The following POMGNT1 variants were observed in gnomAD, a reference collection of about 807,000 sequenced individuals.
POMGNT1 encodes the protein protein O-linked-mannose beta-1,2-N-acetylglucosaminyltransferase 1.
Under a neutral mutation model 95.6 loss-of-function variants are expected in POMGNT1, and 67 were observed. The ratio of observed to expected loss-of-function variants is 0.70; its 90% confidence interval spans 0.58 to 0.86. POMGNT1 has a LOEUF of 0.86. Among genes scored for constraint, POMGNT1 ranks in the 40% least tolerant of loss-of-function variants. The pLI, the probability that POMGNT1 is intolerant of heterozygous loss-of-function variation, is 0.00. For missense variants in POMGNT1, 719 were observed against 855.2 expected, an observed-to-expected ratio of 0.84 and a Z score of 1.99; for synonymous variants, 298 against 317.9, an observed-to-expected ratio of 0.94 and a Z score of 0.66.
upstream of POMGNT1, among the ~76,000 whole-genome samples, chr1:46,201,569 C>T (rs376278751): frequency 5.8e-4 from 88 of 150,822 alleles, 2 homozygotes; most frequent in South Asian, 0.017. Flanking sequence ...CATGGTGGCA[C>T]GTGCCTGTAA....
chr1:46,202,467 C>T (rs913328940), upstream of POMGNT1, among the ~76,000 whole-genome samples: 3 of 151,794 alleles, frequency 2.0e-5, no homozygotes, highest in Non-Finnish European at 2.9e-5. Flanking sequence ...CCAAGGCAGG[C>T]GGATCACTTG....
intron 17 of POMGNT1, chr1:46,191,345 T>G (rs1052004134): frequency 2.1e-5 from 4 of 193,026 alleles, no homozygotes; most frequent in Admixed American, 1.1e-4. Flanking sequence ...TGGGGAATGG[T>G]CCTCTGAATG....
At chr1:46,213,040 A>G (rs1658952494) in intron 1 of POMGNT1, among the ~76,000 whole-genome samples, 1 of 152,144 alleles carries the variant, frequency 6.6e-6, no homozygotes, top group South Asian at 2.1e-4. Flanking sequence ...TGCTGGGATT[A>G]CCATATAAAC....
At position 46,190,539 on chromosome 1, in the gene POMGNT1, G is replaced by A. The variant is rs772695022; in HGVS notation, c.1605-22C>T. 1.9e-6 allele frequency: 3 copies of A among 1,592,522 alleles called. No homozygotes were observed. The South Asian group carries it at 3.3e-5, about 18-fold the overall frequency. ...CAGACTGAAGAGGAGGGAGAAATGG[G>A]TCAGGGGAGTGGGCAGGCCCTCAGG... On this transcript the variant is annotated intron_variant, in intron 18 of 21. Coordinates refer to ENST00000371984, the MANE Select transcript of POMGNT1 (RefSeq NM_017739.4).
intron 1 of POMGNT1, chr1:46,203,542 C>A: frequency 6.4e-7 from 1 of 1,566,632 alleles, no homozygotes; most frequent in Non-Finnish European, 8.6e-7. Context: ...GAGCTGGGAA[C>A]CTCTGGCGCC....
At chr1:46,197,900 A>G in intron 1 of POMGNT1, 29 bp from the exon 2 acceptor site, 2 of 1,601,264 alleles carry the variant, frequency 1.2e-6, no homozygotes, top group Admixed American at 3.4e-5. Flanking sequence ...CACATGGGGT[A>G]AGATGCTCCT....
At chr1:46,214,807 A>T (rs1404101354) in intron 1 of POMGNT1, among the ~76,000 whole-genome samples, 1 of 141,442 alleles carries the variant, frequency 7.1e-6, no homozygotes, top group Admixed American at 8.0e-5. Flanking sequence ...CAGAGGCTGC[A>T]GTGAGCCAAG....
At chr1:46,203,799 A>G (rs1347974868) in intron 1 of POMGNT1, among the ~76,000 whole-genome samples, 2 of 152,130 alleles carry the variant, frequency 1.3e-5, no homozygotes, top group African/African-American at 4.8e-5. Flanking sequence ...AGTGACGTCC[A>G]TTACTTGTCC....
At chr1:46,197,666 A>C in intron 2 of POMGNT1, 36 bp downstream of exon 2, 1 of 1,613,058 alleles carries the variant, frequency 6.2e-7, no homozygotes, top group Non-Finnish European at 8.5e-7. Flanking sequence ...GCTGGGAGGG[A>C]GCGCTCGGTG....
chr1:46,192,587 G>A lies in POMGNT1; in HGVS notation c.1215C>T (p.Phe405=), dbSNP rs1280101536. ...DLDIAVDFFS[F]LSQSIHLLEE... ...CCAGTAGGTGGATGGATTGGCTCAG[G>A]AAACTGAGAGAGGCAGGGTCAAAGA... The change falls in exon 15 of 22, where the codon TTC becomes TTT. Residue 405 remains phenylalanine (F), a synonymous_variant. Coordinates refer to ENST00000371984, the MANE Select transcript of POMGNT1 (RefSeq NM_017739.4). 6.2e-7 allele frequency: 1 copy of A among 1,614,004 alleles called. No homozygotes were observed. Among genetic ancestry groups the A allele is most frequent in the Admixed American group, 1.7e-5 (1 of 60,010 alleles).
chr1:46,206,959 T>C (rs1394740852), intron 1 of POMGNT1, among the ~76,000 whole-genome samples: 1 of 152,202 alleles, frequency 6.6e-6, no homozygotes, highest in East Asian at 1.9e-4. Context: ...TGGAAGAGTC[T>C]TCACTGTAGA....
At chr1:46,192,998 C>G (rs375219254) in intron 13 of POMGNT1, 40 bp from the exon 14 acceptor site, 3 of 1,612,368 alleles carry the variant, frequency 1.9e-6, no homozygotes, top group African/African-American at 2.7e-5. Context: ...AAAGGGGTCT[C>G]TCCATCCTGT....
chr1:46,219,371 A>G (rs973503205), intron 1 of POMGNT1, among the ~76,000 whole-genome samples: 2 of 152,192 alleles, frequency 1.3e-5, no homozygotes, highest in Admixed American at 6.5e-5. Flanking sequence ...CTTAACATTT[A>G]CTGAGACCTT....
intron 1 of POMGNT1, among the ~76,000 whole-genome samples, chr1:46,207,937 G>A (rs1259080182): frequency 2.0e-5 from 3 of 151,686 alleles, no homozygotes; most frequent in Non-Finnish European, 2.9e-5. Context: ...GCGTGATCTC[G>A]GCTCACTGCA....
At position 46,196,026 on chromosome 1, in the gene POMGNT1, G is replaced by A. The variant is rs758327222; in HGVS notation, c.406C>T (p.Leu136Phe). The A allele has an allele frequency of 1.9e-6, 3 of 1,614,036 alleles. No homozygotes were observed. The highest frequency in any genetic ancestry group is 2.5e-6 in the Non-Finnish European group (3 of 1,180,028). The part of the protein sequence containing the change: ...EQGRGIHVIV[L>F]NQATGHVMAK... ...TAGAAACTCACCGTGGCCTGGTTGA[G>A]GACAATGACATGGATGCCCCGGCCC... is the stretch of plus-strand genomic sequence containing the variant. Residue 136 changes from leucine (L) to phenylalanine (F), a missense_variant, in exon 5 of 22, where the codon CTC (leucine) becomes TTC (phenylalanine). By Grantham distance (22) the Leu-to-Phe change is conservative. This residue lies in a region of POMGNT1 where 466 missense variants were observed against 517.4 expected (regional missense o/e 0.90). Transcript: ENST00000371984. This position sits in a 1 kb window ranked among gnomAD's most constrained non-coding sequence, Gnocchi z 4.4.
At chr1:46,206,417 G>A (rs1658718874) in intron 1 of POMGNT1, among the ~76,000 whole-genome samples, 1 of 152,126 alleles carries the variant, frequency 6.6e-6, no homozygotes, top group Non-Finnish European at 1.5e-5. Flanking sequence ...TGAGCAATGA[G>A]GAAACCATAC....
rs148498470 is a variant in POMGNT1, at chr1:46,196,077, C to T, written c.355G>A (p.Val119Met). The T allele has an allele frequency of 3.0e-4, 491 of 1,613,904 alleles. No individual in the cohort carries two copies. The highest frequency in any genetic ancestry group is 4.1e-4 in the Non-Finnish European group (478 of 1,180,042). ...TGCTCCCGGGCCTCATCCTCCAGCA[C>T]CTACACAGTGGCAGAGACAAAGTCC... ...KVYVAVDGTT[V>M]LEDEAREQGR... Residue 119 changes from valine (V) to methionine (M), a missense_variant and splice_region_variant, in exon 5 of 22, where the codon GTG (valine) becomes ATG (methionine). Physicochemically the swap from Val to Met is conservative, Grantham distance 21. Transcript: ENST00000371984. The surrounding 1 kb of genome is among the most constrained non-coding windows in gnomAD (Gnocchi z 4.4).
At chr1:46,216,174 G>A (rs1006462433) in intron 1 of POMGNT1, among the ~76,000 whole-genome samples, 15 of 149,546 alleles carry the variant, frequency 1.0e-4, no homozygotes, top group Non-Finnish European at 2.1e-4. Context: ...AACCTCCCGA[G>A]TAGCTGAGAC....
chr1:46,194,672 G>A (rs1389621863), intron 7 of POMGNT1, 21 bp from the exon 8 acceptor site: 2 of 1,614,278 alleles, frequency 1.2e-6, no homozygotes, highest in South Asian at 1.1e-5. Context: ...GCAGGAATGA[G>A]GGCCATGGGG....
Sources: gnomAD v4.1 joint callset for allele counts (sites outside exome capture counted in the v4.1 genomes callset) on GRCh38, gnomAD v4.1.1 for gene constraint, gnomAD v4.1.1 regional missense constraint, Gnocchi (gnomAD v3.1) non-coding constraint, MANE v1.5 for transcripts, NCBI Gene and HGNC (gene_info 2026-07-23, HGNC 2026-07-21) for gene names.